The following PEMT variants were observed in gnomAD, a reference collection of about 807,000 sequenced individuals.
PEMT encodes phospholipid methyltransferase.
In PEMT, 23 loss-of-function variants were observed where a neutral mutation model predicts 27.4. The ratio of observed to expected loss-of-function variants is 0.84; its 90% CI spans 0.60 to 1.19. PEMT has a LOEUF of 1.19. Ranked by LOEUF, PEMT falls within the 50% of genes most tolerant of loss-of-function variation. The pLI is 0.00. For missense variants in PEMT, 307 were observed against 310.1 expected (o/e 0.99, Z 0.07); for synonymous variants, 137 against 139.1 (o/e 0.98, Z 0.11).
At chr17:17,525,633 G>A (rs757588218) in intron 2 of PEMT, among the ~76,000 whole-genome samples, 15 of 152,180 alleles carry the variant, frequency 9.9e-5, no homozygotes, top group African/African-American at 1.9e-4. Context: ...CCAACACTCC[G>A]TGACCCTGGC....
intron 4 of PEMT, among the ~76,000 whole-genome samples, chr17:17,511,911 C>T (rs1393811569): frequency 6.7e-6 from 1 of 149,438 alleles, no homozygotes; most frequent in Non-Finnish European, 1.5e-5. Flanking sequence ...CATTGGTGGG[C>T]GTCTAGCCAG....
chr17:17,574,438 G>T (rs1199448791), intron 2 of PEMT, among the ~76,000 whole-genome samples: 3 of 150,654 alleles, frequency 2.0e-5, no homozygotes, highest in African/African-American at 7.4e-5. Flanking sequence ...TCCTGCCCCA[G>T]CCTCCCGAGT....
intron 2 of PEMT, among the ~76,000 whole-genome samples, chr17:17,547,022 C>T (rs898138826): frequency 3.9e-5 from 6 of 152,258 alleles, no homozygotes; most frequent in African/African-American, 2.4e-5. Context: ...CTGGGCTGCC[C>T]ACTGGTCTCC....
chr17:17,535,130 A>C (rs1013992299), intron 2 of PEMT, among the ~76,000 whole-genome samples: 2 of 151,810 alleles, frequency 1.3e-5, no homozygotes, highest in African/African-American at 4.8e-5. Context: ...GGCTGGTCTC[A>C]AACTTCTGAC....
At chr17:17,588,967 GT>G (rs1254311446) in intron 1 of PEMT, among the ~76,000 whole-genome samples, 1 of 152,208 alleles carries the variant, frequency 6.6e-6, no homozygotes, top group African/African-American at 2.4e-5. Context: ...TGGGTTGTTT[GT>G]TTTTGTTTTG....
chr17:17,514,240 T>G (rs528604638), intron 3 of PEMT, among the ~76,000 whole-genome samples: 2 of 152,232 alleles, frequency 1.3e-5, no homozygotes, highest in African/African-American at 4.8e-5. Flanking sequence ...TACAGACATG[T>G]CTTTATGCCT....
intron 2 of PEMT, among the ~76,000 whole-genome samples, chr17:17,571,566 G>A (rs1045444544): frequency 6.6e-6 from 1 of 152,130 alleles, no homozygotes. Flanking sequence ...GAGCAGAAGC[G>A]GGCAGCACCC....
chr17:17,520,801 C>A (rs1355893410), intron 3 of PEMT, among the ~76,000 whole-genome samples: 2 of 152,252 alleles, frequency 1.3e-5, no homozygotes. Flanking sequence ...AAGCAAAGGC[C>A]AGGAGCCAGG....
chr17:17,562,415 G>T (rs1331664597), intron 2 of PEMT, among the ~76,000 whole-genome samples: 1 of 151,988 alleles, frequency 6.6e-6, no homozygotes, highest in African/African-American at 2.4e-5. Flanking sequence ...TCCTGATGGG[G>T]AGGGCACTGT....
intron 2 of PEMT, among the ~76,000 whole-genome samples, chr17:17,532,733 CA>C (rs1257929230): frequency 6.6e-6 from 1 of 152,050 alleles, no homozygotes; most frequent in East Asian, 1.9e-4. Flanking sequence ...AGACAAAAAA[CA>C]AAAAACAAAA....
At chr17:17,537,301 G>A (rs1314451289) in intron 2 of PEMT, among the ~76,000 whole-genome samples, 2 of 152,178 alleles carry the variant, frequency 1.3e-5, no homozygotes. Flanking sequence ...TCCTGGGCCT[G>A]GCCCCCTTTG....
chr17:17,548,589 C>T (rs2142633547), intron 2 of PEMT, among the ~76,000 whole-genome samples: 1 of 152,286 alleles, frequency 6.6e-6, no homozygotes, highest in African/African-American at 2.4e-5. Flanking sequence ...GCTCTTGTTG[C>T]CCAGGCTGGA....
intron 1 of PEMT, among the ~76,000 whole-genome samples, chr17:17,588,548 A>G (rs1912438050): frequency 6.6e-6 from 1 of 152,124 alleles, no homozygotes; most frequent in South Asian, 2.1e-4. Context: ...GGTCTTCACC[A>G]TAACCCCCTC....
Position 17,585,519 on chromosome 17 carries a change from G to T in PEMT, c.96+6012C>A, listed in dbSNP as rs545460819. 5.9e-5 allele frequency among the ~76,000 whole-genome samples: 9 copies of T among 152,300 alleles called. No homozygotes were observed. In the East Asian group the frequency reaches 1.7e-3, roughly 29 times the overall value. On this transcript the variant is annotated intron_variant, in intron 1 of 6. Coordinates refer to ENST00000255389, the MANE Select transcript of PEMT (RefSeq NM_148172.3). ...TGGAGCTGGCAAGGTCACCAAGTCT[G>T]CCCAGAAAGCTCAGAAGGCTAAATG...
chr17:17,575,624 G>T (rs1911533312), intron 2 of PEMT, among the ~76,000 whole-genome samples: 1 of 152,236 alleles, frequency 6.6e-6, no homozygotes, highest in African/African-American at 2.4e-5. Context: ...TGGGGACGGT[G>T]TGGCTGAGAG....
In PEMT at chr17:17,512,900, C is replaced by T. The variant is rs70963099; in HGVS notation, c.321-246G>A. Among the ~76,000 whole-genome samples the T allele has an allele frequency of 0.022, 3,306 of 152,156 alleles. 132 individuals are homozygous for T. Among genetic ancestry groups the T allele is most frequent in the African/African-American group, 0.076 (3,142 of 41,474 alleles). On this transcript the variant is annotated intron_variant, in intron 3 of 6. Coordinates refer to ENST00000255389, the MANE Select transcript of PEMT (RefSeq NM_148172.3). This position sits in a 1 kb window ranked among gnomAD's most constrained non-coding sequence, Gnocchi z 6.3. ...TCAAGAGAAGCCAGAAATCCTGACT[C>T]GTATGTGAAATATCCTAATTTTTAG...
At chr17:17,583,808 T>C (rs1912100400) in intron 1 of PEMT, among the ~76,000 whole-genome samples, 1 of 152,222 alleles carries the variant, frequency 6.6e-6, no homozygotes, top group Admixed American at 6.5e-5. Flanking sequence ...TGCTGGAATC[T>C]GAGGTCAGGC....
In PEMT at chr17:17,523,345, C is replaced by G. The variant is rs1457538598; in HGVS notation, c.205-950G>C. Among the ~76,000 whole-genome samples the G allele has an allele frequency of 6.6e-6, 1 of 152,194 alleles. No homozygotes were observed. The highest frequency in any genetic ancestry group is 1.5e-5 in the Non-Finnish European group (1 of 68,030). ...GATGACTGCTGCCTGCTCCACTTCCCAAGTGGACCTGCCTTTCCCAGCAGT... is the reference window on the plus strand; with the variant it reads ...GATGACTGCTGCCTGCTCCACTTCCGAAGTGGACCTGCCTTTCCCAGCAGT... On this transcript the variant is annotated intron_variant, in intron 2 of 6. Coordinates refer to ENST00000255389, the MANE Select transcript of PEMT (RefSeq NM_148172.3). The surrounding 1 kb of genome is among the most constrained non-coding windows in gnomAD (Gnocchi z 4.8).
chr17:17,536,054 T>C (rs1372424043), intron 2 of PEMT, among the ~76,000 whole-genome samples: 1 of 152,198 alleles, frequency 6.6e-6, no homozygotes, highest in Non-Finnish European at 1.5e-5. Flanking sequence ...TCTCCTTAAC[T>C]GTGGCATGCA....
Sources: gnomAD v4.1 joint callset for allele counts (sites outside exome capture counted in the v4.1 genomes callset) on GRCh38, gnomAD v4.1.1 for gene constraint, Gnocchi (gnomAD v3.1) non-coding constraint, MANE v1.5 for transcripts, NCBI Gene and HGNC (gene_info 2026-07-23, HGNC 2026-07-21) for gene names.